Variants in GPR149 observed in about 807,000 individuals in gnomAD.
GPR149 encodes G protein-coupled receptor 149.
In GPR149, 50 loss-of-function variants were observed where a neutral mutation model predicts 50.2. That is an observed-to-expected ratio of 1.00 (90% CI 0.79 to 1.26). The LOEUF is 1.26. GPR149 is among the 50% of genes most tolerant of loss of function. The pLI is 0.00. For synonymous variants in GPR149, 405 were observed against 358.2 expected (o/e 1.13, Z -1.48); for missense variants, 983 against 895.4 (o/e 1.10, Z -1.25).
chr3:154,351,199 T>C (rs1010606361), intron 3 of GPR149, among the ~76,000 whole-genome samples: 1 of 150,614 alleles, frequency 6.6e-6, no homozygotes, highest in Admixed American at 6.7e-5. Flanking sequence ...AAAATCCAAA[T>C]GTAGACTCAC....
chr3:154,366,452 C>T (rs1279686071), intron 3 of GPR149, among the ~76,000 whole-genome samples: 1 of 152,234 alleles, frequency 6.6e-6, no homozygotes, highest in Non-Finnish European at 1.5e-5. Flanking sequence ...AGACAATCTC[C>T]ATTAATGCAG....
At position 154,427,968 on chromosome 3, in the gene GPR149, GCA is replaced by G. The variant is rs1712355298; in HGVS notation, c.982-262_982-261del. ...GCCTATTCAAGACTCCACCAGAAAGGCACAGTCTACAACGTGGGGGACGCTAG... is the reference window on the plus strand; with the variant it reads ...GCCTATTCAAGACTCCACCAGAAAGGCAGTCTACAACGTGGGGGACGCTAG... On this transcript the variant is annotated intron_variant, in intron 1 of 3. Coordinates refer to ENST00000389740, the MANE Select transcript of GPR149 (RefSeq NM_001038705.3). 2.0e-5 allele frequency among the ~76,000 whole-genome samples: 3 copies of G among 152,166 alleles called. No individual in the cohort carries two copies. The South Asian group carries it at 6.2e-4, about 31-fold the overall frequency.
intron 3 of GPR149, among the ~76,000 whole-genome samples, chr3:154,383,016 T>C (rs943281066): frequency 6.6e-6 from 1 of 152,062 alleles, no homozygotes; most frequent in African/African-American, 2.4e-5. Context: ...ATGGCTCTCG[T>C]TGAGAATGAA....
At chr3:154,365,154 A>G (rs1008882445) in intron 3 of GPR149, among the ~76,000 whole-genome samples, 5 of 152,154 alleles carry the variant, frequency 3.3e-5, no homozygotes, top group African/African-American at 1.2e-4. Flanking sequence ...CATGCTTGCA[A>G]TCTTAGCACC....
At chr3:154,427,216 A>C (rs1300834905) in intron 2 of GPR149, among the ~76,000 whole-genome samples, 2 of 152,002 alleles carry the variant, frequency 1.3e-5, no homozygotes. Context: ...TGTATCATCT[A>C]AGTGCCTTTG....
intron 3 of GPR149, among the ~76,000 whole-genome samples, chr3:154,378,090 T>TCCC (rs1559979445): frequency 5.6e-4 from 19 of 33,904 alleles, no homozygotes; most frequent in African/African-American, 2.7e-3. Flanking sequence ...CCCCCCCCCT[T>TCCC]TTTTTTTTTT....
chr3:154,358,487 C>T (rs1220089079), intron 3 of GPR149, among the ~76,000 whole-genome samples: 1 of 151,880 alleles, frequency 6.6e-6, no homozygotes, highest in East Asian at 1.9e-4. Flanking sequence ...TAAAAACTTC[C>T]CCAAAGAAAT....
chr3:154,394,002 G>A (rs60250783), intron 3 of GPR149, among the ~76,000 whole-genome samples: 36,769 of 151,774 alleles, frequency 0.24, 4,751 homozygotes, highest in South Asian at 0.32. Flanking sequence ...GCAATGTAGA[G>A]ACTCAATGCA....
chr3:154,369,978 T>G lies in GPR149; in HGVS notation c.1624-31707A>C, dbSNP rs530137722. ...CCACTGTAGACCCTTATTGGGATAC[T>G]GACTCAGATCATGGAGATTGGAGCC... On this transcript the variant is annotated intron_variant, in intron 3 of 3. Coordinates refer to ENST00000389740, the MANE Select transcript of GPR149 (RefSeq NM_001038705.3). Among the ~76,000 whole-genome samples the G allele has an allele frequency of 1.1e-4, 17 of 152,350 alleles. No individual in the cohort carries two copies. In the South Asian group the frequency reaches 3.5e-3, roughly 32 times the overall value.
At chr3:154,359,116 A>G (rs1714320991) in intron 3 of GPR149, among the ~76,000 whole-genome samples, 1 of 152,100 alleles carries the variant, frequency 6.6e-6, no homozygotes, top group Non-Finnish European at 1.5e-5. Context: ...TTTTCTTCTC[A>G]GTTTTTTTTT....
chr3:154,351,041 T>G (rs1368988963), intron 3 of GPR149, among the ~76,000 whole-genome samples: 1 of 152,086 alleles, frequency 6.6e-6, no homozygotes, highest in Non-Finnish European at 1.5e-5. Context: ...GATCCAAAGT[T>G]GGCTGAATTC....
chr3:154,376,787 C>T (rs1048096746), intron 3 of GPR149, among the ~76,000 whole-genome samples: 1 of 152,094 alleles, frequency 6.6e-6, no homozygotes, highest in Non-Finnish European at 1.5e-5. Context: ...GGCAGTGCAG[C>T]TCAGTGGTTA....
At chr3:154,374,515 G>GC (rs897526716) in intron 3 of GPR149, among the ~76,000 whole-genome samples, 1 of 152,072 alleles carries the variant, frequency 6.6e-6, no homozygotes, top group Non-Finnish European at 1.5e-5. Context: ...ATGGTAGGTA[G>GC]CTGAAGGTGA....
rs953703978 is a variant in GPR149 at position 154,430,180 on chromosome 3, G to A, written c.-565C>T. The stretch of plus-strand genomic sequence containing the variant: ...GAGGGCGAGCGCGAGCCAGTCAGAG[G>A]GAGCTTGTGCACAGAATCCCATCTG... On this transcript the variant is annotated 5_prime_UTR_variant, in exon 1 of 4. Coordinates refer to ENST00000389740, the MANE Select transcript of GPR149 (RefSeq NM_001038705.3). Among the ~76,000 whole-genome samples the A allele has an allele frequency of 6.6e-6, 1 of 151,666 alleles. No homozygotes were observed. The highest frequency in any genetic ancestry group is 2.4e-5 in the African/African-American group (1 of 41,256).
At chr3:154,387,089 T>G (rs562757406) in intron 3 of GPR149, among the ~76,000 whole-genome samples, 1 of 152,302 alleles carries the variant, frequency 6.6e-6, no homozygotes, top group Admixed American at 6.5e-5. Context: ...ATCATGACAA[T>G]TTTTGAATAT....
At chr3:154,393,090 G>T (rs1715207311) in intron 3 of GPR149, among the ~76,000 whole-genome samples, 2 of 151,938 alleles carry the variant, frequency 1.3e-5, no homozygotes, top group African/African-American at 4.8e-5. Context: ...TATGAGGCCA[G>T]TGTTGCCTGA....
rs182953924 is a variant in GPR149 at position 154,385,255 on chromosome 3, G to T, written c.1623+35784C>A. Among the ~76,000 whole-genome samples the T allele has an allele frequency of 4.4e-3, 668 of 152,274 alleles. 9 individuals are homozygous for T. Among genetic ancestry groups the T allele is most frequent in the Non-Finnish European group, 6.0e-3 (409 of 68,022 alleles). ...GATGGAATTGGAGATTATTTCACCT[G>T]GCTTTCATCCCCAATCCCTGCGAAT... On this transcript the variant is annotated intron_variant, in intron 3 of 3. Transcript: ENST00000389740.
Position 154,429,788 on chromosome 3 carries a change from G to T in GPR149, c.-173C>A. 1 of 474,994 alleles carries T rather than the reference G, an allele frequency of 2.1e-6. No individual in the cohort carries two copies. Among genetic ancestry groups the T allele is most frequent in the Non-Finnish European group, 3.7e-6 (1 of 273,300 alleles). 29.4% of individuals were successfully genotyped at this position (474,994 alleles called of 1,614,324 possible). The stretch of plus-strand genomic sequence containing the variant: ...CATGTCTCCTTTAGATCTGACTCAA[G>T]CTATATTTAAAAATTAGGTTCCATT... On this transcript the variant is annotated 5_prime_UTR_variant, in exon 1 of 4. Transcript: ENST00000389740.
Position 154,429,805 on chromosome 3 carries a change from G to T in GPR149, c.-190C>A. On this transcript the variant is annotated 5_prime_UTR_variant, in exon 1 of 4. Coordinates refer to ENST00000389740, the MANE Select transcript of GPR149 (RefSeq NM_001038705.3). ...TGACTCAAGCTATATTTAAAAATTA[G>T]GTTCCATTTCAAGCATAAAAAAAAA... The T allele has an allele frequency of 2.4e-6, 1 of 423,142 alleles. No homozygotes were observed. Among genetic ancestry groups the T allele is most frequent in the East Asian group, 3.6e-5 (1 of 27,658 alleles). The allele number at this position is 423,142 out of a possible 1,614,324, so 26.2% of individuals were successfully genotyped here.
Sources: allele counts gnomAD v4.1 joint callset (sites outside exome capture counted in the v4.1 genomes callset), GRCh38; gene constraint gnomAD v4.1.1; transcripts MANE v1.5; gene names NCBI Gene and HGNC (gene_info 2026-07-23, HGNC 2026-07-21).